The following TXNL4A variants were observed in gnomAD, a reference collection of about 807,000 sequenced individuals.
TXNL4A encodes thioredoxin-like protein 4A.
A neutral mutation model predicts 14.6 loss-of-function variants in TXNL4A; 17 were observed. That is an observed-to-expected ratio of 1.16 (90% confidence interval 0.80 to 1.74). The LOEUF (loss-of-function observed/expected upper bound fraction) is 1.74, where lower values mean the gene tolerates loss of function less well. Among genes scored for constraint, TXNL4A ranks in the 40% most tolerant of loss-of-function variants. The pLI is 0.00. For missense variants in TXNL4A, 74 were observed against 195.2 expected (o/e 0.38, Z 3.70); for synonymous variants, 83 against 70.6 (o/e 1.18, Z -0.88).
rs759884431 is a variant in TXNL4A, at chr18:79,988,221, GGA to G, written c.153+17_153+18del. 5 of 1,503,418 alleles carry G rather than the reference GGA, an allele frequency of 3.3e-6. No homozygotes were observed. 93.1% of individuals were successfully genotyped at this position (1,503,418 alleles called of 1,614,324 possible). ...ATGCGGAAGCACAGCCCGCAGAGCG[GGA>G]GAGTCCGGCGCGCTACCTTCTCGGC... is the stretch of plus-strand genomic sequence containing the variant. On this transcript the variant is annotated intron_variant, in intron 1 of 2. Transcript: ENST00000269601.
chr18:79,998,557 C>A (rs951769256), intron 1 of TXNL4A, among the ~76,000 whole-genome samples: 2 of 149,402 alleles, frequency 1.3e-5, no homozygotes, highest in Non-Finnish European at 3.0e-5. Flanking sequence ...CATCAGAGGC[C>A]TATAGGCTAT....
intron 1 of TXNL4A, among the ~76,000 whole-genome samples, chr18:80,013,024 C>T (rs552530932): frequency 5.3e-5 from 8 of 150,780 alleles, no homozygotes; most frequent in South Asian, 2.1e-4. Flanking sequence ...GCAGCTCCCT[C>T]GCTGCGATCT....
chr18:79,986,733 C>T (rs765543107), intron 1 of TXNL4A: 8 of 985,346 alleles, frequency 8.1e-6, no homozygotes, highest in Non-Finnish European at 8.4e-6. Context: ...GAACACCACC[C>T]GATGTTTATG....
chr18:79,977,235 G>C, intron 2 of TXNL4A: 1 of 302,370 alleles, frequency 3.3e-6, no homozygotes, highest in Non-Finnish European at 6.2e-6. Context: ...GGGATTACAG[G>C]CGCTTTGAGC....
chr18:79,977,974 G>T (rs1434248781), intron 1 of TXNL4A: 1 of 386,480 alleles, frequency 2.6e-6, no homozygotes, highest in Non-Finnish European at 4.7e-6. Context: ...TGGCCAACGG[G>T]GCAATTTTCA....
At chr18:79,978,078 A>T (rs979195118) in intron 1 of TXNL4A, among the ~76,000 whole-genome samples, 1 of 152,132 alleles carries the variant, frequency 6.6e-6, no homozygotes, top group Non-Finnish European at 1.5e-5. Context: ...CTTCCGCCTC[A>T]CGCCACCGTT....
chr18:80,023,416 G>C (rs1260147840), intron 1 of TXNL4A, among the ~76,000 whole-genome samples: 2 of 152,108 alleles, frequency 1.3e-5, no homozygotes, highest in African/African-American at 4.8e-5. Flanking sequence ...GGCGCCGTAG[G>C]GTTGCAAACG....
chr18:79,999,527 A>G (rs2051685193), intron 1 of TXNL4A, among the ~76,000 whole-genome samples: 1 of 132,566 alleles, frequency 7.5e-6, no homozygotes, highest in Non-Finnish European at 1.6e-5. Context: ...CAAGAGTGAG[A>G]CTCCATCTCA....
chr18:79,979,889 C>T (rs1267371309), intron 1 of TXNL4A, among the ~76,000 whole-genome samples: 2 of 152,178 alleles, frequency 1.3e-5, no homozygotes, highest in East Asian at 1.9e-4. Flanking sequence ...TAACTCAATG[C>T]CCTTTAGAAG....
chr18:80,017,691 C>G (rs1351843265), intron 1 of TXNL4A, among the ~76,000 whole-genome samples: 1 of 149,682 alleles, frequency 6.7e-6, no homozygotes, highest in African/African-American at 2.4e-5. Flanking sequence ...ATTGAACCAG[C>G]CTTGCATCCC....
At chr18:79,991,875 G>T (rs1331048427), upstream of TXNL4A, among the ~76,000 whole-genome samples, 2 of 152,190 alleles carry the variant, frequency 1.3e-5, no homozygotes, top group Non-Finnish European at 2.9e-5. Flanking sequence ...AGGAGGTCCT[G>T]ATGATATGTG....
Position 79,972,475 on chromosome 18 carries a change from C to CT in TXNL4A, c.*1209dup. On this transcript the variant is annotated 3_prime_UTR_variant, in exon 3 of 3. Coordinates refer to ENST00000269601, the MANE Select transcript of TXNL4A (RefSeq NM_006701.5). ...GACTGTAATAAGGACATTTTCTTTT[C>CT]TTTTTTTGAGACGGAGTCTTGCTCT... The CT allele has an allele frequency of 6.6e-6, 1 of 152,360 alleles. No homozygotes were observed. Among genetic ancestry groups the CT allele is most frequent in the Non-Finnish European group, 1.5e-5 (1 of 68,150 alleles). The allele number at this position is 152,360 out of a possible 1,614,324, so 9.4% of individuals were successfully genotyped here.
rs2051840609 is a variant in TXNL4A, at chr18:80,020,378, C to T, written c.-61+13473G>A. 1.3e-5 allele frequency among the ~76,000 whole-genome samples: 2 copies of T among 152,330 alleles called. 1 individual carries two copies. Among genetic ancestry groups the T allele is most frequent in the Middle Eastern group, 6.8e-3 (2 of 294 alleles). On this transcript the variant is annotated intron_variant, in intron 1 of 2. Transcript: ENST00000585474. ...GAGGTGATTACCTGTTAGCCACAGACTTCCTTTAGAGGATAGCAGTGCTGC... is the reference window on the plus strand; with the variant it reads ...GAGGTGATTACCTGTTAGCCACAGATTTCCTTTAGAGGATAGCAGTGCTGC...
chr18:80,021,992 C>CGT (rs1278682679), intron 1 of TXNL4A, among the ~76,000 whole-genome samples: 1 of 59,698 alleles, frequency 1.7e-5, no homozygotes, highest in Non-Finnish European at 4.1e-5. Flanking sequence ...GGCTAGAATA[C>CGT]CTTTTTTTTT....
intron 2 of TXNL4A, chr18:79,977,263 A>C: frequency 2.8e-6 from 1 of 357,802 alleles, no homozygotes; most frequent in East Asian, 5.5e-5. Context: ...CCCGGCCTAA[A>C]TTTGTGATTT....
At chr18:80,024,943 C>T (rs2051874909) in intron 1 of TXNL4A, among the ~76,000 whole-genome samples, 1 of 152,198 alleles carries the variant, frequency 6.6e-6, no homozygotes, top group Non-Finnish European at 1.5e-5. Context: ...TCCTCTAAGA[C>T]CCCAGCAGCT....
At chr18:80,017,171 A>G (rs1428623536) in intron 1 of TXNL4A, among the ~76,000 whole-genome samples, 21 of 151,300 alleles carry the variant, frequency 1.4e-4, no homozygotes, top group African/African-American at 3.9e-4. Context: ...TTTGTCTGTT[A>G]TTGGTGTATA....
intron 1 of TXNL4A, among the ~76,000 whole-genome samples, chr18:80,014,192 T>C (rs945744339): frequency 7.9e-5 from 12 of 152,056 alleles, no homozygotes; most frequent in African/African-American, 2.7e-4. Flanking sequence ...CCAAATCTCA[T>C]ATCCTCACAT....
chr18:79,988,697 C>A (rs1286649190), upstream of TXNL4A: 2 of 221,668 alleles, frequency 9.0e-6, no homozygotes, highest in East Asian at 9.1e-5. Context: ...ACCTGGGCAC[C>A]GTGGAGCGCC....
Sources: allele counts gnomAD v4.1 joint callset (sites outside exome capture counted in the v4.1 genomes callset), GRCh38; gene constraint gnomAD v4.1.1; transcripts MANE v1.5; gene names NCBI Gene and HGNC (gene_info 2026-07-23, HGNC 2026-07-21).